Variants in IQSEC1 observed in about 807,000 individuals in gnomAD.
IQSEC1 encodes IQ motif and SEC7 domain-containing protein 1.
Under a neutral mutation model 91.0 loss-of-function variants are expected in IQSEC1, and 31 were observed. The ratio of observed to expected loss-of-function variants is 0.34; its 90% confidence interval spans 0.26 to 0.46. The LOEUF is 0.46. Ranked by LOEUF, IQSEC1 falls within the 20% of genes least tolerant of loss-of-function variation. The pLI, the probability that IQSEC1 is intolerant of heterozygous loss-of-function variation, is 1.00. For synonymous variants in IQSEC1, 699 were observed against 662.6 expected (o/e 1.05, Z -0.84); for missense variants, 1,388 against 1,575.6 (o/e 0.88, Z 2.02).
intron 1 of IQSEC1, among the ~76,000 whole-genome samples, chr3:13,025,056 T>C (rs1703560278): frequency 6.6e-6 from 1 of 152,262 alleles, no homozygotes; most frequent in Non-Finnish European, 1.5e-5. Context: ...GAGTTCATAA[T>C]GGTTTCTGAA....
At chr3:13,130,341 C>CAAAAAAAAAAAAAA (rs58162524) in intron 2 of IQSEC1, among the ~76,000 whole-genome samples, 2 of 61,876 alleles carry the variant, frequency 3.2e-5, no homozygotes, top group Admixed American at 1.8e-4. Context: ...GAGACTCTGT[C>CAAAAAAAAAAAAAA]AAAAAAAAAA....
chr3:13,057,222 G>A (rs539485782), intron 1 of IQSEC1, among the ~76,000 whole-genome samples: 1 of 152,324 alleles, frequency 6.6e-6, no homozygotes, highest in South Asian at 2.1e-4. Flanking sequence ...AGCTCCCCGT[G>A]TGGACTGAAG....
chr3:12,906,496 C>A (rs1295660970), intron 12 of IQSEC1, among the ~76,000 whole-genome samples: 1 of 152,248 alleles, frequency 6.6e-6, no homozygotes, highest in Non-Finnish European at 1.5e-5. Flanking sequence ...CCCCACCTCG[C>A]TTCACCCCCA....
chr3:13,034,828 A>C (rs1703975559), intron 1 of IQSEC1, among the ~76,000 whole-genome samples: 1 of 152,180 alleles, frequency 6.6e-6, no homozygotes, highest in African/African-American at 2.4e-5. Flanking sequence ...GAAGTGTCTG[A>C]GCTAATGCTC....
chr3:13,085,633 C>T (rs957996327), intron 2 of IQSEC1, among the ~76,000 whole-genome samples: 3 of 152,208 alleles, frequency 2.0e-5, no homozygotes, highest in Non-Finnish European at 4.4e-5. Context: ...CCTTCATAGC[C>T]TCTTTCCAGT....
intron 1 of IQSEC1, among the ~76,000 whole-genome samples, chr3:13,277,792 C>T (rs866546983): frequency 2.4e-4 from 36 of 152,308 alleles, no homozygotes; most frequent in Middle Eastern, 3.4e-3. Context: ...GAAAAGAGCC[C>T]TCTCGGCCTC....
chr3:13,116,755 C>T (rs961247037), intron 2 of IQSEC1, among the ~76,000 whole-genome samples: 3 of 151,926 alleles, frequency 2.0e-5, no homozygotes, highest in Admixed American at 1.3e-4. Flanking sequence ...AAAAATTAGC[C>T]AGGTGGTAGT....
chr3:12,919,309 T>C (rs1490986601), intron 6 of IQSEC1, among the ~76,000 whole-genome samples: 1 of 152,190 alleles, frequency 6.6e-6, no homozygotes, highest in East Asian at 1.9e-4. Flanking sequence ...GGAATGGCTG[T>C]CCATGAGCTC....
chr3:12,953,495 T>C (rs1447091613), intron 1 of IQSEC1, among the ~76,000 whole-genome samples: 2 of 152,190 alleles, frequency 1.3e-5, no homozygotes, highest in Admixed American at 1.3e-4. Flanking sequence ...CTTTTATATA[T>C]ATAGAAAAAT....
intron 2 of IQSEC1, among the ~76,000 whole-genome samples, chr3:13,155,010 G>C (rs1194840224): frequency 1.3e-5 from 2 of 152,120 alleles, no homozygotes; most frequent in Non-Finnish European, 2.9e-5. Context: ...GAAATTTATA[G>C]CTTGATACGT....
At chr3:13,105,840 C>T (rs114642503) in intron 2 of IQSEC1, among the ~76,000 whole-genome samples, 1,777 of 152,284 alleles carry the variant, frequency 0.012, 35 homozygotes, top group African/African-American at 0.04. Flanking sequence ...GCAAATCAGC[C>T]TCCACCCCTA....
intron 1 of IQSEC1, among the ~76,000 whole-genome samples, chr3:13,261,075 G>A (rs1243273549): frequency 2.0e-5 from 3 of 152,304 alleles, no homozygotes; most frequent in East Asian, 3.9e-4. Context: ...TTTCAGAGGC[G>A]AGGACATGGC....
chr3:12,971,343 T>C (rs967532145), intron 1 of IQSEC1, among the ~76,000 whole-genome samples: 3 of 152,166 alleles, frequency 2.0e-5, no homozygotes, highest in Non-Finnish European at 2.9e-5. Flanking sequence ...GGATGCACTG[T>C]TGGGAACGAA....
intron 2 of IQSEC1, among the ~76,000 whole-genome samples, chr3:13,129,448 G>A (rs1435036620): frequency 2.0e-5 from 3 of 152,038 alleles, no homozygotes; most frequent in Non-Finnish European, 2.9e-5. Flanking sequence ...TTCATTGATC[G>A]TCGGTATGGT....
At chr3:12,984,911 G>A (rs1272198871) in intron 1 of IQSEC1, among the ~76,000 whole-genome samples, 3 of 127,006 alleles carry the variant, frequency 2.4e-5, no homozygotes, top group Non-Finnish European at 3.1e-5. Context: ...TGCAAGCTCC[G>A]CCTCTTGGGT....
At chr3:13,162,649 C>T (rs1707198195) in intron 2 of IQSEC1, among the ~76,000 whole-genome samples, 1 of 152,176 alleles carries the variant, frequency 6.6e-6, no homozygotes, top group Non-Finnish European at 1.5e-5. Flanking sequence ...AATATACGTA[C>T]TTACACCTGC....
chr3:13,162,276 G>A (rs1005549647), intron 2 of IQSEC1, among the ~76,000 whole-genome samples: 1 of 152,206 alleles, frequency 6.6e-6, no homozygotes, highest in Non-Finnish European at 1.5e-5. Context: ...GCACCTTGGG[G>A]GGATTGGGGG....
At chr3:13,127,141 G>A (rs752138876) in intron 2 of IQSEC1, among the ~76,000 whole-genome samples, 3 of 152,074 alleles carry the variant, frequency 2.0e-5, no homozygotes, top group East Asian at 1.9e-4. Context: ...GGCTGGGGGC[G>A]GTGGCTCACG....
At position 12,936,052 on chromosome 3, in the gene IQSEC1, C is replaced by A; in HGVS notation, c.964G>T (p.Ala322Ser). The A allele has an allele frequency of 6.2e-7, 1 of 1,605,258 alleles. No homozygotes were observed. The highest frequency in any genetic ancestry group is 8.5e-7 in the Non-Finnish European group (1 of 1,179,758). Residue 322 changes from alanine (A) to serine (S), a missense_variant, in exon 3 of 14, where the codon GCT (alanine) becomes TCT (serine). Transcript: ENST00000613206. The part of the protein sequence containing the change: ...SSTESDLRLR[A>S]GGAAPDYWAL... ...CAGTAGTCTGGGGCTGCGCCCCCAG[C>A]CCGTAGCCGCAGGTCCGACTCGGTG...
Sources: allele counts gnomAD v4.1 joint callset (sites outside exome capture counted in the v4.1 genomes callset), GRCh38; gene constraint gnomAD v4.1.1; transcripts MANE v1.5; gene names NCBI Gene and HGNC (gene_info 2026-07-23, HGNC 2026-07-21).